ST8SIA2: variants seen among roughly 807,000 people sequenced by gnomAD.
ST8SIA2 encodes the protein alpha-2,8-sialyltransferase 8B.
A neutral mutation model predicts 37.6 loss-of-function variants in ST8SIA2; 22 were observed. The ratio of observed to expected loss-of-function variants is 0.58; its 90% confidence interval spans 0.42 to 0.83. The LOEUF is 0.83. ST8SIA2 is among the 40% of genes least tolerant of loss of function. The pLI is 0.00. For synonymous variants in ST8SIA2, 205 were observed against 201.2 expected (o/e 1.02, Z -0.16); for missense variants, 382 against 484.7 (o/e 0.79, Z 1.99).
At chr15:92,451,388 G>A (rs1015941746) in intron 5 of ST8SIA2, among the ~76,000 whole-genome samples, 2 of 152,176 alleles carry the variant, frequency 1.3e-5, no homozygotes, top group South Asian at 2.1e-4. Context: ...CACCTTATCG[G>A]GGAGAACAAG....
chr15:92,408,028 A>G (rs1331927015), intron 1 of ST8SIA2, among the ~76,000 whole-genome samples: 3 of 152,130 alleles, frequency 2.0e-5, no homozygotes, highest in Non-Finnish European at 2.9e-5. Flanking sequence ...GATGGCAGCA[A>G]ACTCATGACT....
At chr15:92,459,592 C>T (rs1164071255) in intron 5 of ST8SIA2, among the ~76,000 whole-genome samples, 2 of 152,170 alleles carry the variant, frequency 1.3e-5, no homozygotes, top group Admixed American at 6.5e-5. Context: ...TAAGGCCTCA[C>T]ATGGTGTTGT....
At chr15:92,416,468 C>T (rs1448777390) in intron 1 of ST8SIA2, among the ~76,000 whole-genome samples, 7 of 152,004 alleles carry the variant, frequency 4.6e-5, no homozygotes, top group Admixed American at 4.6e-4. Context: ...AAAACCGGCG[C>T]GTGCAAAGGG....
At chr15:92,453,473 G>A (rs2049897752) in intron 5 of ST8SIA2, among the ~76,000 whole-genome samples, 1 of 152,190 alleles carries the variant, frequency 6.6e-6, no homozygotes, top group Non-Finnish European at 1.5e-5. Context: ...CTGTACTTAG[G>A]TTCAAATCAT....
Position 92,444,908 on chromosome 15 carries a change from G to T in ST8SIA2, c.821G>T (p.Arg274Leu). ...VNVRTAYPSL[R>L]LLHAVRGYWL... ...GTGCGCACTGCATACCCCTCGCTGC[G>T]CCTGCTGCACGCCGTTCGCGGGTGA... Residue 274 changes from arginine (R) to leucine (L), a missense_variant, in exon 5 of 6, where the codon CGC becomes CTC. Transcript: ENST00000268164. 1.2e-6 allele frequency: 2 copies of T among 1,612,416 alleles called. No individual in the cohort carries two copies. The highest frequency in any genetic ancestry group is 1.7e-6 in the Non-Finnish European group (2 of 1,180,028).
intron 4 of ST8SIA2, among the ~76,000 whole-genome samples, chr15:92,441,419 G>A (rs148396330): frequency 1.3e-4 from 20 of 152,304 alleles, no homozygotes; most frequent in African/African-American, 3.8e-4. Flanking sequence ...TCGAGCAAGC[G>A]TCAGCTGCAC....
In ST8SIA2 at chr15:92,458,501, G is replaced by A. The variant is rs143950185; in HGVS notation, c.843-5599G>A. On this transcript the variant is annotated intron_variant, in intron 5 of 5. Coordinates refer to ENST00000268164, the MANE Select transcript of ST8SIA2 (RefSeq NM_006011.4). ...TGAATCCTACTACAAAGGGGTGTAAGGTGTGGTCCCTGCGCTTGGGGAGAC... is the reference window on the plus strand; with the variant it reads ...TGAATCCTACTACAAAGGGGTGTAAAGTGTGGTCCCTGCGCTTGGGGAGAC... 2.0e-5 allele frequency among the ~76,000 whole-genome samples: 3 copies of A among 152,284 alleles called. No individual in the cohort carries two copies. In the East Asian group the frequency reaches 5.8e-4, roughly 29 times the overall value.
chr15:92,397,517 C>G (rs1021046423), intron 1 of ST8SIA2, among the ~76,000 whole-genome samples: 17 of 152,210 alleles, frequency 1.1e-4, no homozygotes, highest in Non-Finnish European at 2.9e-5. Flanking sequence ...CCTAGAGAGT[C>G]CTGCCTGGTA....
chr15:92,400,721 C>G (rs1223773510), intron 1 of ST8SIA2, among the ~76,000 whole-genome samples: 1 of 152,156 alleles, frequency 6.6e-6, no homozygotes, highest in African/African-American at 2.4e-5. Context: ...CCCTTTCCAG[C>G]CCTCCACTGC....
chr15:92,460,401 T>C (rs906557592), intron 5 of ST8SIA2, among the ~76,000 whole-genome samples: 2 of 152,204 alleles, frequency 1.3e-5, no homozygotes, highest in African/African-American at 4.8e-5. Context: ...TGCAATGGGC[T>C]AGTTTAGGAG....
rs1361513710 is a variant in ST8SIA2 at position 92,444,678 on chromosome 15, G to T, written c.591G>T (p.Gly197=). 4 of 1,614,260 alleles carry T rather than the reference G, an allele frequency of 2.5e-6. No homozygotes were observed. Among genetic ancestry groups the T allele is most frequent in the Non-Finnish European group, 2.5e-6 (3 of 1,180,048 alleles). ...APVQEYARDV[G]LKTDLVTMNP... ...TACAGGAGTATGCCCGGGATGTGGG[G>T]CTCAAGACAGACCTGGTAACCATGA... The change falls in exon 5 of 6, where the codon GGG becomes GGT. Residue 197 remains glycine, a synonymous_variant. Transcript: ENST00000268164.
At chr15:92,458,729 C>T (rs1306882295) in intron 5 of ST8SIA2, among the ~76,000 whole-genome samples, 1 of 152,284 alleles carries the variant, frequency 6.6e-6, no homozygotes, top group Non-Finnish European at 1.5e-5. Flanking sequence ...CACTGGTGCA[C>T]GGGTGACCAC....
chr15:92,443,173 G>A (rs552165573), intron 4 of ST8SIA2, among the ~76,000 whole-genome samples: 1 of 152,312 alleles, frequency 6.6e-6, no homozygotes, highest in African/African-American at 2.4e-5. Context: ...GATGACCTGT[G>A]ATCCCTTGTC....
intron 1 of ST8SIA2, among the ~76,000 whole-genome samples, chr15:92,426,441 A>T (rs532450773): frequency 6.6e-6 from 1 of 152,274 alleles, no homozygotes; most frequent in Admixed American, 6.5e-5. Context: ...CTCCACCAAA[A>T]TATCGAGTGC....
chr15:92,438,416 G>A lies in ST8SIA2; in HGVS notation c.354G>A (p.Lys118=), dbSNP rs780493636. The A allele has an allele frequency of 1.2e-6, 2 of 1,614,264 alleles. No individual in the cohort carries two copies. Among genetic ancestry groups the A allele is most frequent in the African/African-American group, 2.7e-5 (2 of 75,064 alleles). The part of the protein sequence containing the change: ...KDISVLKGTL[K]PGDIIHYIFD... ...TTTCTGTCCTAAAGGGAACCCTGAA[G>A]CCTGGAGATATTATTCATTACATCT... Residue 118 remains lysine, a synonymous_variant, in exon 4 of 6, where the codon AAG becomes AAA. Transcript: ENST00000268164.
At chr15:92,426,081 G>A (rs540658290) in intron 1 of ST8SIA2, among the ~76,000 whole-genome samples, 1 of 152,260 alleles carries the variant, frequency 6.6e-6, no homozygotes, top group African/African-American at 2.4e-5. Flanking sequence ...AGCCGAACCT[G>A]GCACACAAAT....
At chr15:92,457,397 C>T (rs140629560) in intron 5 of ST8SIA2, among the ~76,000 whole-genome samples, 289 of 152,266 alleles carry the variant, frequency 1.9e-3, no homozygotes, top group African/African-American at 5.5e-3. Context: ...GATTGCTGTC[C>T]GTGCTCATAA....
In ST8SIA2 at chr15:92,456,767, G is replaced by A. The variant is rs755050701; in HGVS notation, c.843-7333G>A. Among the ~76,000 whole-genome samples, 17 of 152,320 alleles carry A rather than the reference G, an allele frequency of 1.1e-4. 1 individual carries two copies. Among genetic ancestry groups the A allele is most frequent in the African/African-American group, 2.4e-4 (10 of 41,580 alleles). On this transcript the variant is annotated intron_variant, in intron 5 of 5. Coordinates refer to ENST00000268164, the MANE Select transcript of ST8SIA2 (RefSeq NM_006011.4). ...CAGATCCCAAGGGCCTCACAAGCCC[G>A]ATGGAGGCTATCAGGTTTTATGCTG...
rs576758059 is a variant in ST8SIA2, at chr15:92,468,215, C to T, written c.*3830C>T. 3 of 152,744 alleles carry T rather than the reference C, an allele frequency of 2.0e-5. No homozygotes were observed. The highest frequency in any genetic ancestry group is 4.8e-5 in the African/African-American group (2 of 41,554). The allele number at this position is 152,744 out of a possible 1,614,324, so 9.5% of individuals were successfully genotyped here. A position where few individuals can be genotyped will look rare whatever the true frequency, so the allele number is the denominator to read the frequency against. Reference sequence around the variant, plus strand: ...AACATGCACAGTGATTTTCCTCTCCCGTTGCACACAAACCTTTAAAAGTTC... The same window carrying T: ...AACATGCACAGTGATTTTCCTCTCCTGTTGCACACAAACCTTTAAAAGTTC... On this transcript the variant is annotated 3_prime_UTR_variant, in exon 6 of 6. Transcript: ENST00000268164.
Sources: allele counts gnomAD v4.1 joint callset (sites outside exome capture counted in the v4.1 genomes callset), GRCh38; gene constraint gnomAD v4.1.1; transcripts MANE v1.5; gene names NCBI Gene and HGNC (gene_info 2026-07-23, HGNC 2026-07-21).